Variants in FAM90A20 observed in about 807,000 individuals in gnomAD.
FAM90A20 encodes protein FAM90A20.
At chr8:7,297,491 T>C in the FAM90A20 span, 80,552 of 1,527,704 alleles carry the variant, frequency 0.053, 12,914 homozygotes, top group African/African-American at 0.37. Context: ...CAGCTTTGGG[T>C]CAGGAGCCAA....
At chr8:7,297,846 C>G in the FAM90A20 span, 15 of 921,510 alleles carry the variant, frequency 1.6e-5, no homozygotes, top group South Asian at 5.3e-5. Flanking sequence ...CGCTGGAGCT[C>G]CAGCCTCCTG....
chr8:7,297,399 A>G, the FAM90A20 span: 5 of 1,536,996 alleles, frequency 3.3e-6, no homozygotes, highest in South Asian at 5.6e-5. Context: ...GTCAGAACCC[A>G]GGCACAAGAC....
At chr8:7,297,122 C>T in the FAM90A20 span, 15 of 1,511,760 alleles carry the variant, frequency 9.9e-6, no homozygotes, top group Non-Finnish European at 1.3e-5. Context: ...GGACCCTGTC[C>T]TCTCTGGTCG....
the FAM90A20 span, chr8:7,295,274 G>C: frequency 6.5e-6 from 1 of 154,776 alleles, no homozygotes; most frequent in South Asian, 4.0e-5. Context: ...CCCATCCAAG[G>C]TGGGCGTGGC....
the FAM90A20 span, chr8:7,297,335 A>C: frequency 7.3e-7 from 1 of 1,364,202 alleles, no homozygotes. Flanking sequence ...CCCTGAGGGT[A>C]GCTGCCGAGA....
At chr8:7,297,690 C>T in the FAM90A20 span, 11 of 1,406,834 alleles carry the variant, frequency 7.8e-6, 1 homozygote, top group Middle Eastern at 2.4e-4. Context: ...AGGACACCGG[C>T]CCAGGTGCCC....
chr8:7,297,437 T>G, the FAM90A20 span: 5 of 1,555,928 alleles, frequency 3.2e-6, no homozygotes, highest in Non-Finnish European at 4.3e-6. Flanking sequence ...CTCACAGCCC[T>G]GCCCATCAGC....
At chr8:7,296,247 G>A in the FAM90A20 span, 2 of 686,778 alleles carry the variant, frequency 2.9e-6, 1 homozygote, top group Non-Finnish European at 5.3e-6. Flanking sequence ...TGTCTCCTGG[G>A]GAAAACCAGG....
chr8:7,296,358 G>C, the FAM90A20 span: 147 of 745,786 alleles, frequency 2.0e-4, 14 homozygotes, highest in Non-Finnish European at 3.2e-4. Context: ...AGCCGCTGCC[G>C]AATGGAAAAG....
At chr8:7,297,461 T>C in the FAM90A20 span, 1 of 1,549,746 alleles carries the variant, frequency 6.5e-7, no homozygotes. Context: ...CACACACAGC[T>C]TGGGCCTAGG....
At chr8:7,296,144 G>C in the FAM90A20 span, 6 of 587,556 alleles carry the variant, frequency 1.0e-5, no homozygotes, top group South Asian at 1.1e-4. Flanking sequence ...AGGTTGGCAC[G>C]TGAGGGAAGG....
the FAM90A20 span, among the ~76,000 whole-genome samples, chr8:7,296,571 G>A: frequency 2.9e-5 from 4 of 135,612 alleles, no homozygotes; most frequent in Non-Finnish European, 4.5e-5. Context: ...GTCATCTGAA[G>A]ATGCCGTATT....
At chr8:7,296,004 C>T in the FAM90A20 span, among the ~76,000 whole-genome samples, 2 of 128,534 alleles carry the variant, frequency 1.6e-5, 1 homozygote, top group Non-Finnish European at 3.1e-5. Context: ...GCTCCTTGGG[C>T]TCTGGGAGAT....
At chr8:7,296,505 T>C in the FAM90A20 span, 2,132 of 642,042 alleles carry the variant, frequency 3.3e-3, 184 homozygotes, top group Middle Eastern at 8.7e-3. Flanking sequence ...CTCTTTCTTG[T>C]CTTCTTGGGG....
chr8:7,295,574 G>T, the FAM90A20 span: 15 of 671,126 alleles, frequency 2.2e-5, 1 homozygote, highest in East Asian at 3.9e-4. Flanking sequence ...TGTTAACGTG[G>T]GATCGCTGCC....
the FAM90A20 span, chr8:7,295,927 G>T: frequency 1.8e-6 from 1 of 570,876 alleles, no homozygotes; most frequent in East Asian, 2.9e-5. Context: ...CCGTCTCCGG[G>T]CCAGGGAAGG....
the FAM90A20 span, chr8:7,297,809 G>C: frequency 8.5e-7 from 1 of 1,175,212 alleles, no homozygotes; most frequent in South Asian, 1.2e-5. Context: ...GCCTCTCAGA[G>C]TGCTCTTCCG....
At chr8:7,296,447 G>T in the FAM90A20 span, 4 of 709,406 alleles carry the variant, frequency 5.6e-6, 1 homozygote, top group African/African-American at 5.0e-5. Context: ...GGTAACCCTG[G>T]TTGATTTCCT....
the FAM90A20 span, chr8:7,297,251 G>T: frequency 1.4e-6 from 2 of 1,457,762 alleles, no homozygotes; most frequent in African/African-American, 2.1e-5. Flanking sequence ...AGGGGCTGCC[G>T]CCGACATCCC....
Sources: allele counts gnomAD v4.1 joint callset (sites outside exome capture counted in the v4.1 genomes callset), GRCh38; gene constraint gnomAD v4.1.1; transcripts MANE v1.5; gene names NCBI Gene and HGNC (gene_info 2026-07-23, HGNC 2026-07-21).